The following TWSG1 variants were observed in gnomAD, a reference collection of about 807,000 sequenced individuals.
TWSG1 encodes the protein twisted gastrulation protein homolog 1.
A neutral mutation model predicts 23.0 loss-of-function variants in TWSG1; 15 were observed. That is an observed-to-expected ratio of 0.65 (90% CI 0.44 to 1.00). The LOEUF (loss-of-function observed/expected upper bound fraction) is 1.00, where lower values mean the gene tolerates loss of function less well. Among genes scored for constraint, TWSG1 ranks in the 50% least tolerant of loss-of-function variants. The pLI, the probability that TWSG1 is intolerant of heterozygous loss-of-function variation, is 0.00. For missense variants in TWSG1, 242 were observed against 278.7 expected, an observed-to-expected ratio of 0.87 and a Z score of 0.94; for synonymous variants, 86 against 92.8, an observed-to-expected ratio of 0.93 and a Z score of 0.42.
intron 2 of TWSG1, among the ~76,000 whole-genome samples, chr18:9,349,949 G>A (rs908963352): frequency 6.6e-6 from 1 of 152,170 alleles, no homozygotes; most frequent in Admixed American, 6.5e-5. Context: ...AGAACAGCCT[G>A]ACCAACATGG....
chr18:9,360,145 T>A, intron 3 of TWSG1, 74 bp downstream of exon 3: 2 of 1,220,366 alleles, frequency 1.6e-6, no homozygotes, highest in Non-Finnish European at 2.4e-6. Flanking sequence ...CTTTAAGGAA[T>A]ATAAATGTAG....
intron 3 of TWSG1, among the ~76,000 whole-genome samples, chr18:9,381,001 TAGG>T (rs1378482858): frequency 2.0e-5 from 3 of 152,256 alleles, no homozygotes; most frequent in Non-Finnish European, 4.4e-5. Context: ...TTCAAAATAA[TAGG>T]AGTTGTTTTG....
chr18:9,365,626 A>G (rs925916510), intron 3 of TWSG1, among the ~76,000 whole-genome samples: 1 of 152,088 alleles, frequency 6.6e-6, no homozygotes, highest in African/African-American at 2.4e-5. Flanking sequence ...GTACTGAGCC[A>G]TGTCTGAGTC....
At chr18:9,390,350 A>G (rs1223324119) in intron 3 of TWSG1, among the ~76,000 whole-genome samples, 2 of 151,924 alleles carry the variant, frequency 1.3e-5, no homozygotes, top group African/African-American at 4.8e-5. Context: ...TTTAGTAGAG[A>G]CGGGGTTTCA....
chr18:9,365,704 A>G (rs886671342), intron 3 of TWSG1, among the ~76,000 whole-genome samples: 1 of 151,162 alleles, frequency 6.6e-6, no homozygotes, highest in African/African-American at 2.5e-5. Flanking sequence ...AAAAGAAAGG[A>G]AAAGAAAAAA....
intron 2 of TWSG1, among the ~76,000 whole-genome samples, chr18:9,343,811 A>T (rs1443595): frequency 0.67 from 101,477 of 152,090 alleles, 34,310 homozygotes; most frequent in Middle Eastern, 0.75. Flanking sequence ...TATTGGTTGG[A>T]GGATATTTGA....
chr18:9,381,464 T>G (rs2040655887), intron 3 of TWSG1, among the ~76,000 whole-genome samples: 1 of 152,216 alleles, frequency 6.6e-6, no homozygotes, highest in Admixed American at 6.5e-5. Context: ...GAGTATTGTA[T>G]TAATATATTC....
chr18:9,373,148 T>G (rs927415932), intron 3 of TWSG1, among the ~76,000 whole-genome samples: 2 of 152,186 alleles, frequency 1.3e-5, no homozygotes, highest in Non-Finnish European at 2.9e-5. Context: ...AGGAAAGTTA[T>G]CAGAGATAAA....
At chr18:9,395,409 C>T (rs776897495) in intron 3 of TWSG1, among the ~76,000 whole-genome samples, 2 of 152,184 alleles carry the variant, frequency 1.3e-5, no homozygotes, top group Non-Finnish European at 2.9e-5. Context: ...ATCCATTGAC[C>T]ATTCCCATCC....
intron 1 of TWSG1, among the ~76,000 whole-genome samples, chr18:9,336,052 A>G (rs1158552365): frequency 6.6e-6 from 1 of 152,168 alleles, no homozygotes; most frequent in Non-Finnish European, 1.5e-5. Flanking sequence ...TTTGAACTGT[A>G]GTATCTTCTT....
At chr18:9,372,832 A>G (rs893082862) in intron 3 of TWSG1, among the ~76,000 whole-genome samples, 2 of 152,136 alleles carry the variant, frequency 1.3e-5, no homozygotes, top group African/African-American at 4.8e-5. Flanking sequence ...AAAAGAGTAG[A>G]AGACAAAAAT....
intron 3 of TWSG1, among the ~76,000 whole-genome samples, chr18:9,371,797 A>G (rs1212275642): frequency 2.8e-5 from 4 of 141,114 alleles, no homozygotes; most frequent in Middle Eastern, 3.8e-3. Flanking sequence ...TTTGAGACAG[A>G]GTCTCGCACT....
intron 3 of TWSG1, among the ~76,000 whole-genome samples, chr18:9,366,591 C>T (rs952008077): frequency 7.9e-5 from 12 of 152,170 alleles, no homozygotes; most frequent in Non-Finnish European, 7.3e-5. Context: ...CCAGGTTTTT[C>T]GTTATGACTC....
At chr18:9,362,808 AT>A (rs1292551426) in intron 3 of TWSG1, among the ~76,000 whole-genome samples, 2 of 152,062 alleles carry the variant, frequency 1.3e-5, no homozygotes, top group African/African-American at 2.4e-5. Context: ...GCTAGTTCTC[AT>A]TTTTTTAAAA....
At chr18:9,346,606 A>C (rs2040478530) in intron 2 of TWSG1, among the ~76,000 whole-genome samples, 1 of 151,952 alleles carries the variant, frequency 6.6e-6, no homozygotes, top group South Asian at 2.1e-4. Context: ...TCTCTACCAA[A>C]AGAAAAAAAA....
intron 3 of TWSG1, among the ~76,000 whole-genome samples, chr18:9,370,652 TAAA>T: frequency 1.3e-5 from 2 of 152,218 alleles, no homozygotes; most frequent in South Asian, 4.2e-4. Flanking sequence ...GAAAACCGAC[TAAA>T]AAAGAAAACT....
intron 2 of TWSG1, among the ~76,000 whole-genome samples, chr18:9,356,524 G>A (rs1162104672): frequency 6.6e-6 from 1 of 152,164 alleles, no homozygotes; most frequent in Non-Finnish European, 1.5e-5. Context: ...ATAATATACA[G>A]TAATTCATTT....
intron 3 of TWSG1, among the ~76,000 whole-genome samples, chr18:9,373,918 C>A (rs967519595): frequency 6.6e-6 from 1 of 152,044 alleles, no homozygotes; most frequent in Admixed American, 6.6e-5. Context: ...TGGAAAATCC[C>A]AAAATATGTG....
At chr18:9,361,404 C>T (rs1471489785) in intron 3 of TWSG1, among the ~76,000 whole-genome samples, 3 of 152,194 alleles carry the variant, frequency 2.0e-5, no homozygotes, top group Non-Finnish European at 4.4e-5. Flanking sequence ...TGACCCTTGG[C>T]TGTCTATTCC....
Sources: allele counts gnomAD v4.1 joint callset (sites outside exome capture counted in the v4.1 genomes callset), GRCh38; gene constraint gnomAD v4.1.1; transcripts MANE v1.5; gene names NCBI Gene and HGNC (gene_info 2026-07-23, HGNC 2026-07-21).